The following PRORP variants were observed in gnomAD, a reference collection of about 807,000 sequenced individuals.
PRORP encodes the protein protein only RNase P catalytic subunit.
PRORP carries 51 observed loss-of-function variants against 59.4 expected under a neutral mutation model. That is an observed-to-expected ratio of 0.86 (90% confidence interval 0.69 to 1.08). The LOEUF (loss-of-function observed/expected upper bound fraction) is 1.08, where lower values mean the gene tolerates loss of function less well. Ranked by LOEUF, PRORP falls within the 50% of genes least tolerant of loss-of-function variation. The pLI, the probability that PRORP is intolerant of heterozygous loss-of-function variation, is 0.00. For synonymous variants in PRORP, 231 were observed against 245.6 expected, an observed-to-expected ratio of 0.94 and a Z score of 0.55; for missense variants, 646 against 690.3, an observed-to-expected ratio of 0.94 and a Z score of 0.72.
At position 35,180,830 on chromosome 14, in the gene PRORP, C is replaced by A. The variant is rs1234721029; in HGVS notation, c.1275+53C>A. 6.7e-6 allele frequency: 8 copies of A among 1,197,762 alleles called. No homozygotes were observed. In the Admixed American group the frequency reaches 9.2e-5, roughly 14 times the overall value. 74.2% of individuals were successfully genotyped at this position (1,197,762 alleles called of 1,614,324 possible). A position where few individuals can be genotyped will look rare whatever the true frequency, so the allele number is the denominator to read the frequency against. On this transcript the variant is annotated intron_variant, in intron 5 of 7. Coordinates refer to ENST00000534898, the MANE Select transcript of PRORP (RefSeq NM_014672.4). ...CACATCTCTAGAAATATTTATTATA[C>A]CCATTTATGACCTTCTTGGGGCTCT...
chr14:35,249,460 G>A (rs2050561228), intron 5 of PRORP, among the ~76,000 whole-genome samples: 3 of 152,224 alleles, frequency 2.0e-5, no homozygotes, highest in Middle Eastern at 3.4e-3. Context: ...ACGATAGCAT[G>A]CACCTGCAGT....
intron 7 of PRORP, 115 bp from the exon 8 acceptor site, chr14:35,273,320 G>A (rs2138687163): frequency 1.0e-6 from 1 of 964,690 alleles, no homozygotes; most frequent in Admixed American, 3.4e-5. Context: ...TATTAAGTGA[G>A]ATAATCCATT....
At chr14:35,129,012 CAT>C (rs2047165981) in intron 4 of PRORP, among the ~76,000 whole-genome samples, 1 of 146,234 alleles carries the variant, frequency 6.8e-6, no homozygotes, top group Non-Finnish European at 1.5e-5. Flanking sequence ...GCCTGGCTAA[CAT>C]AGTGAAACCC....
chr14:35,136,435 C>T (rs1228062492), intron 4 of PRORP, among the ~76,000 whole-genome samples: 4 of 148,290 alleles, frequency 2.7e-5, no homozygotes, highest in Non-Finnish European at 4.5e-5. Flanking sequence ...AGTGCAATGG[C>T]GCAATCTCTG....
intron 5 of PRORP, chr14:35,235,148 T>G: frequency 1.8e-6 from 1 of 560,498 alleles, no homozygotes; most frequent in South Asian, 1.6e-5. Flanking sequence ...ATTATTTTTA[T>G]GTACAGAAAA....
intron 5 of PRORP, among the ~76,000 whole-genome samples, chr14:35,198,651 G>C (rs2049065444): frequency 6.6e-6 from 1 of 152,208 alleles, no homozygotes; most frequent in Admixed American, 6.5e-5. Context: ...AGAAGCATAT[G>C]TCCCTAATAT....
chr14:35,187,954 GA>G (rs1302808799), intron 5 of PRORP, among the ~76,000 whole-genome samples: 5 of 149,970 alleles, frequency 3.3e-5, no homozygotes, highest in African/African-American at 1.2e-4. Context: ...GGGTGCAAGC[GA>G]TTTTCCTGCC....
chr14:35,127,457 T>C, intron 3 of PRORP, 22 bp from the exon 4 acceptor site: 1 of 1,482,950 alleles, frequency 6.7e-7, no homozygotes, highest in Non-Finnish European at 9.0e-7. Flanking sequence ...TAAATATTAT[T>C]ATTTAACAAT....
At chr14:35,258,261 G>C (rs1196276407) in intron 5 of PRORP, among the ~76,000 whole-genome samples, 1 of 151,922 alleles carries the variant, frequency 6.6e-6, no homozygotes, top group Non-Finnish European at 1.5e-5. Context: ...CAAAGCACTG[G>C]GATTACAGGC....
intron 4 of PRORP, among the ~76,000 whole-genome samples, chr14:35,152,763 C>A (rs918827342): frequency 6.6e-6 from 1 of 151,700 alleles, no homozygotes; most frequent in Non-Finnish European, 1.5e-5. Context: ...GGGTGGCGGC[C>A]GGGCAGAGGC....
intron 4 of PRORP, among the ~76,000 whole-genome samples, chr14:35,163,153 C>T (rs1190944396): frequency 1.3e-5 from 2 of 151,966 alleles, no homozygotes; most frequent in African/African-American, 4.8e-5. Flanking sequence ...TAATAATGCT[C>T]CCTGGGGCAA....
At chr14:35,173,764 A>C (rs1472128034) in intron 4 of PRORP, among the ~76,000 whole-genome samples, 2 of 151,924 alleles carry the variant, frequency 1.3e-5, no homozygotes, top group African/African-American at 4.8e-5. Context: ...AAACGCAATC[A>C]TTTATTACTA....
chr14:35,258,624 C>CGT (rs1017093486), intron 5 of PRORP, among the ~76,000 whole-genome samples: 6 of 147,286 alleles, frequency 4.1e-5, no homozygotes, highest in Non-Finnish European at 7.4e-5. Flanking sequence ...AAGGAGGACC[C>CGT]GTGATGTTGT....
intron 5 of PRORP, among the ~76,000 whole-genome samples, chr14:35,236,481 T>G (rs1381790535): frequency 6.6e-6 from 1 of 152,186 alleles, no homozygotes; most frequent in African/African-American, 2.4e-5. Flanking sequence ...TCTGGCTTAG[T>G]CTCCATCATT....
At chr14:35,163,034 T>C (rs999005288) in intron 4 of PRORP, among the ~76,000 whole-genome samples, 2 of 152,148 alleles carry the variant, frequency 1.3e-5, no homozygotes, top group African/African-American at 4.8e-5. Context: ...TATTGTAGTT[T>C]TATGATATAT....
chr14:35,190,080 C>T (rs961103988), intron 5 of PRORP, among the ~76,000 whole-genome samples: 1 of 145,338 alleles, frequency 6.9e-6, no homozygotes, highest in African/African-American at 2.6e-5. Flanking sequence ...TGCACTCCAG[C>T]CTGGGTGACA....
At position 35,245,809 on chromosome 14, in the gene PRORP, C is replaced by T. The variant is rs370704613; in HGVS notation, c.1276-20918C>T. Among the ~76,000 whole-genome samples, 12 of 152,240 alleles carry T rather than the reference C, an allele frequency of 7.9e-5. No homozygotes were observed. In the South Asian group the frequency reaches 8.3e-4, roughly 11 times the overall value. On this transcript the variant is annotated intron_variant, in intron 5 of 7. Transcript: ENST00000534898. ...CCATCCTTTGGGGGATTCCCATTACCGCTCTCCTGTATTGGAACTCCAATT... is the reference window on the plus strand; with the variant it reads ...CCATCCTTTGGGGGATTCCCATTACTGCTCTCCTGTATTGGAACTCCAATT...
chr14:35,259,925 T>C (rs1272989291), intron 5 of PRORP, among the ~76,000 whole-genome samples: 2 of 151,390 alleles, frequency 1.3e-5, no homozygotes, highest in Non-Finnish European at 1.5e-5. Context: ...AAATCTATAG[T>C]GTTTTTGAGT....
At chr14:35,167,791 G>A (rs530443595) in intron 4 of PRORP, among the ~76,000 whole-genome samples, 6 of 152,164 alleles carry the variant, frequency 3.9e-5, no homozygotes, top group South Asian at 2.1e-4. Context: ...CTTTAATACC[G>A]AATTCACAAA....
Sources: allele counts gnomAD v4.1 joint callset (sites outside exome capture counted in the v4.1 genomes callset), GRCh38; gene constraint gnomAD v4.1.1; transcripts MANE v1.5; gene names NCBI Gene and HGNC (gene_info 2026-07-23, HGNC 2026-07-21).